RHOBTB2: variants seen among roughly 807,000 people sequenced by gnomAD.
RHOBTB2 encodes the protein Rho related BTB domain containing 2, also known as rho-related BTB domain-containing protein 2.
RHOBTB2 carries 39 observed loss-of-function variants against 66.5 expected under a neutral mutation model. The ratio of observed to expected loss-of-function variants is 0.59; its 90% confidence interval spans 0.45 to 0.77. The LOEUF (loss-of-function observed/expected upper bound fraction) is 0.77, where lower values mean the gene tolerates loss of function less well. Among genes scored for constraint, RHOBTB2 ranks in the 30% least tolerant of loss-of-function variants. The pLI is 0.00. For synonymous variants in RHOBTB2, 390 were observed against 395.0 expected, an observed-to-expected ratio of 0.99 and a Z score of 0.15; for missense variants, 755 against 999.1, an observed-to-expected ratio of 0.76 and a Z score of 3.29.
chr8:22,999,007 G>A (rs1810667340), upstream of RHOBTB2: 1 of 152,276 alleles, frequency 6.6e-6, no homozygotes. Flanking sequence ...GGCCTAGGTG[G>A]GAGACAGGTA....
upstream of RHOBTB2, among the ~76,000 whole-genome samples, chr8:22,986,265 CTTT>C (rs33995780): frequency 1.2e-4 from 10 of 84,976 alleles, no homozygotes; most frequent in East Asian, 6.8e-4. Flanking sequence ...CAGTGCATTG[CTTT>C]TTTTTTTTTT....
At chr8:22,985,874 C>T (rs1810278063), upstream of RHOBTB2, among the ~76,000 whole-genome samples, 1 of 152,164 alleles carries the variant, frequency 6.6e-6, no homozygotes, top group African/African-American at 2.4e-5. Flanking sequence ...TCAGGCTCTC[C>T]CCTGGCCTAC....
Position 23,000,076 on chromosome 8 carries a change from G to T in RHOBTB2, c.-40G>T. ...CAGCAGGAAGAGATGTGTTCCTCAC[G>T]CTAGAAGCCACCCCGTCACATGTAG... On this transcript the variant is annotated 5_prime_UTR_variant, in exon 1 of 10. Transcript: ENST00000251822. The T allele has an allele frequency of 1.0e-6, 1 of 985,482 alleles. No homozygotes were observed. The highest frequency in any genetic ancestry group is 1.2e-6 in the Non-Finnish European group (1 of 829,942). 61.0% of individuals were successfully genotyped at this position (985,482 alleles called of 1,614,324 possible).
At position 23,019,133 on chromosome 8, in the gene RHOBTB2, A is replaced by G. The variant is rs1811401876; in HGVS notation, c.*1664A>G. On this transcript the variant is annotated 3_prime_UTR_variant, in exon 10 of 10. Transcript: ENST00000251822. The stretch of plus-strand genomic sequence containing the variant: ...GAGCTCAGGAGTCGCCTTACCTGAG[A>G]GAGATGTTCTAGCTGAGAGGGCCTG... 6.6e-6 allele frequency: 1 copy of G among 152,408 alleles called. No homozygotes were observed. The highest frequency in any genetic ancestry group is 2.1e-4 in the South Asian group (1 of 4,828). 9.4% of individuals were successfully genotyped at this position (152,408 alleles called of 1,614,324 possible).
intron 7 of RHOBTB2, among the ~76,000 whole-genome samples, chr8:23,012,765 T>C (rs998832800): frequency 3.3e-5 from 5 of 152,296 alleles, no homozygotes; most frequent in Middle Eastern, 3.4e-3. Context: ...ACTATGGGCC[T>C]GCCTCATCAC....
chr8:22,951,417 C>A, the RHOBTB2 span, among the ~76,000 whole-genome samples: 16 of 152,172 alleles, frequency 1.1e-4, no homozygotes, highest in Non-Finnish European at 1.8e-4. Context: ...ACCAAGCAGG[C>A]TTTGTGTGAG....
In RHOBTB2 at chr8:23,006,815, G is replaced by C; in HGVS notation, c.570G>C (p.Val190=). 1 of 1,614,118 alleles carries C rather than the reference G, an allele frequency of 6.2e-7. No individual in the cohort carries two copies. Among genetic ancestry groups the C allele is most frequent in the Non-Finnish European group, 8.5e-7 (1 of 1,180,022 alleles). The change falls in exon 5 of 10, where the codon GTG becomes GTC. Residue 190 remains valine, a synonymous_variant. Coordinates refer to ENST00000251822, the MANE Select transcript of RHOBTB2 (RefSeq NM_015178.3). The surrounding 1 kb of genome is among the most constrained non-coding windows in gnomAD (Gnocchi z 6.1). ...GCATCCCCTACTATGAGACCAGCGT[G>C]GTGGCCCAGTTCGGCATCAAGGACG... ...ELGIPYYETS[V]VAQFGIKDVF...
intron 8 of RHOBTB2, 139 bp downstream of exon 8, chr8:23,014,917 C>T: frequency 2.9e-6 from 2 of 692,580 alleles, no homozygotes; most frequent in Non-Finnish European, 5.1e-6. Context: ...TGCGCGTAGC[C>T]CATCTCCTCC....
Position 23,012,979 on chromosome 8 carries a change from A to T in RHOBTB2, c.1772-1711A>T, listed in dbSNP as rs1377748704. 4.3e-3 allele frequency among the ~76,000 whole-genome samples: 644 copies of T among 151,144 alleles called. 7 individuals are homozygous for T. The highest frequency in any genetic ancestry group is 0.024 in the Middle Eastern group (7 of 292). On this transcript the variant is annotated intron_variant, in intron 7 of 9. Transcript: ENST00000251822. ...CCACCACACCCAGCTAATTTTTGTA[A>T]TTTGAGATGGGGTTTTGCCATGTTG...
intron 1 of RHOBTB2, among the ~76,000 whole-genome samples, chr8:23,003,148 T>G (rs917995973): frequency 6.6e-6 from 1 of 152,204 alleles, no homozygotes; most frequent in African/African-American, 2.4e-5. Context: ...CACACAGGAA[T>G]GTGAGTGGGG....
chr8:22,972,729 G>C, the RHOBTB2 span, among the ~76,000 whole-genome samples: 2 of 152,216 alleles, frequency 1.3e-5, no homozygotes, highest in Non-Finnish European at 2.9e-5. Context: ...GATCTGAAGA[G>C]GAGCCTGACA....
the RHOBTB2 span, among the ~76,000 whole-genome samples, chr8:22,959,922 G>A: frequency 6.6e-6 from 1 of 150,480 alleles, no homozygotes; most frequent in Non-Finnish European, 1.5e-5. Context: ...CCAGCACATT[G>A]AGAGGCTGAG....
At chr8:22,983,085 T>C (rs1382569826), upstream of RHOBTB2, among the ~76,000 whole-genome samples, 2 of 152,164 alleles carry the variant, frequency 1.3e-5, no homozygotes, top group Non-Finnish European at 2.9e-5. Flanking sequence ...ATTCAGATCA[T>C]AGCACATAAC....
chr8:22,957,550 GC>G, the RHOBTB2 span, among the ~76,000 whole-genome samples: 2 of 152,158 alleles, frequency 1.3e-5, no homozygotes, highest in Admixed American at 1.3e-4. Context: ...CCCACCTGGG[GC>G]AGCATGTGTG....
At chr8:22,990,230 A>G (rs755911053) in intron 1 of RHOBTB2, among the ~76,000 whole-genome samples, 78 of 152,342 alleles carry the variant, frequency 5.1e-4, no homozygotes, top group Non-Finnish European at 8.1e-4. Context: ...AACAAGTCTC[A>G]TATTTTTCAG....
upstream of RHOBTB2, among the ~76,000 whole-genome samples, chr8:22,997,120 G>GGCT (rs1022362470): frequency 1.3e-5 from 2 of 152,114 alleles, no homozygotes; most frequent in African/African-American, 2.4e-5. Flanking sequence ...GCTCCTCGCA[G>GGCT]GCTGGCCTGA....
upstream of RHOBTB2, among the ~76,000 whole-genome samples, chr8:22,983,568 TAG>T (rs1042073771): frequency 2.0e-5 from 3 of 151,646 alleles, no homozygotes; most frequent in African/African-American, 4.9e-5. Context: ...TAAAAAAATA[TAG>T]AGAGTTACTT....
chr8:23,015,466 G>A (rs1394375399), intron 8 of RHOBTB2, among the ~76,000 whole-genome samples, 172 bp from the exon 9 acceptor site: 2 of 152,130 alleles, frequency 1.3e-5, no homozygotes, highest in African/African-American at 4.8e-5. Flanking sequence ...GCCTGAGGCA[G>A]CATCATCATC....
At chr8:23,003,566 T>G (rs1479904549) in intron 1 of RHOBTB2, among the ~76,000 whole-genome samples, 1 of 152,158 alleles carries the variant, frequency 6.6e-6, no homozygotes, top group African/African-American at 2.4e-5. Flanking sequence ...TGGATCTCAC[T>G]CTCTGACGCT....
Sources: gnomAD v4.1 joint callset for allele counts (sites outside exome capture counted in the v4.1 genomes callset) on GRCh38, gnomAD v4.1.1 for gene constraint, Gnocchi (gnomAD v3.1) non-coding constraint, MANE v1.5 for transcripts, NCBI Gene and HGNC (gene_info 2026-07-23, HGNC 2026-07-21) for gene names.